Variants in KIAA1958 observed in about 807,000 individuals in gnomAD.
KIAA1958 encodes the protein KIAA1958, also known as uncharacterized protein KIAA1958.
Under a neutral mutation model 47.2 loss-of-function variants are expected in KIAA1958, and 14 were observed. That is an observed-to-expected ratio of 0.30 (90% CI 0.20 to 0.46). KIAA1958 has a LOEUF of 0.46. Among genes scored for constraint, KIAA1958 ranks in the 20% least tolerant of loss-of-function variants. The pLI is 1.00. For synonymous variants in KIAA1958, 354 were observed against 353.3 expected, an observed-to-expected ratio of 1.00 and a Z score of -0.02; for missense variants, 803 against 909.2, an observed-to-expected ratio of 0.88 and a Z score of 1.50.
At chr9:112,548,409 A>G (rs1363189839) in intron 1 of KIAA1958, among the ~76,000 whole-genome samples, 2 of 152,066 alleles carry the variant, frequency 1.3e-5, no homozygotes, top group Non-Finnish European at 2.9e-5. Flanking sequence ...GCCTCCCTAA[A>G]ATGTATGAAA....
intron 2 of KIAA1958, among the ~76,000 whole-genome samples, chr9:112,638,213 A>T (rs1034630383): frequency 6.6e-6 from 1 of 152,140 alleles, no homozygotes; most frequent in African/African-American, 2.4e-5. Context: ...TGAAAAAGAA[A>T]AATAAAGAAG....
intron 1 of KIAA1958, among the ~76,000 whole-genome samples, chr9:112,570,322 C>CAGA (rs1406067648): frequency 6.6e-6 from 1 of 152,128 alleles, no homozygotes; most frequent in African/African-American, 2.4e-5. Flanking sequence ...CGTGAAGGGG[C>CAGA]AGAAGTCTTA....
chr9:112,651,592 C>T (rs59724906), intron 3 of KIAA1958, among the ~76,000 whole-genome samples: 3,818 of 151,962 alleles, frequency 0.025, 136 homozygotes, highest in South Asian at 0.15. Flanking sequence ...GACAGGGTTT[C>T]GCCATGTTGG....
Position 112,659,552 on chromosome 9 carries a change from G to T in KIAA1958, c.1634G>T (p.Gly545Val). ...GACGAGGAGGAGATGTGGCAGGCAG[G>T]GTGTCTGGGGGATGACAGCCCTATC... ...LSDEEEMWQA[G>V]CLGDDSPITL... The change falls in exon 4 of 4, where the codon GGG (glycine) becomes GTG (valine). Residue 545 changes from glycine to valine, a missense_variant. By Grantham distance (109) the Gly-to-Val change is moderately radical. This residue lies in a region of KIAA1958 where 761 missense variants were observed against 829.3 expected (regional missense o/e 0.92). Coordinates refer to ENST00000337530, the MANE Select transcript of KIAA1958 (RefSeq NM_133465.4). 1.2e-6 allele frequency: 2 copies of T among 1,612,862 alleles called. No homozygotes were observed. Among genetic ancestry groups the T allele is most frequent in the South Asian group, 1.1e-5 (1 of 90,890 alleles).
intron 1 of KIAA1958, among the ~76,000 whole-genome samples, chr9:112,552,589 A>G (rs1477979407): frequency 6.6e-6 from 1 of 152,222 alleles, no homozygotes; most frequent in Non-Finnish European, 1.5e-5. Context: ...GTGATGCTTA[A>G]TGTTCAAATA....
intron 1 of KIAA1958, among the ~76,000 whole-genome samples, chr9:112,495,777 T>C (rs1168476444): frequency 6.6e-6 from 1 of 152,252 alleles, no homozygotes; most frequent in Non-Finnish European, 1.5e-5. Flanking sequence ...CAGTCATTGT[T>C]GTTCCCTTCC....
intron 2 of KIAA1958, among the ~76,000 whole-genome samples, chr9:112,591,317 C>T (rs1165913978): frequency 6.6e-6 from 1 of 152,072 alleles, no homozygotes; most frequent in Non-Finnish European, 1.5e-5. Flanking sequence ...ATCTCCTGAC[C>T]TCATGATCCG....
chr9:112,650,745 T>A (rs1837043388), intron 3 of KIAA1958, among the ~76,000 whole-genome samples: 1 of 152,154 alleles, frequency 6.6e-6, no homozygotes, highest in Non-Finnish European at 1.5e-5. Context: ...AGAGATACTG[T>A]CGGACTGGAT....
chr9:112,496,451 GGCT>G (rs1834053155), intron 1 of KIAA1958, among the ~76,000 whole-genome samples: 1 of 152,144 alleles, frequency 6.6e-6, no homozygotes, highest in Admixed American at 6.5e-5. Flanking sequence ...GAGGCTTCTG[GGCT>G]GCTGGAAAGT....
At position 112,659,726 on chromosome 9, in the gene KIAA1958, G is replaced by A. The variant is rs150967403; in HGVS notation, c.1808G>A (p.Arg603Gln). 104 of 1,614,046 alleles carry A rather than the reference G, an allele frequency of 6.4e-5. No individual in the cohort carries two copies. Among genetic ancestry groups the A allele is most frequent in the African/African-American group, 1.7e-4 (13 of 74,918 alleles). Residue 603 changes from arginine to glutamine, a missense_variant, in exon 4 of 4, where the codon CGG becomes CAG. Arg to Gln is a conservative substitution (Grantham distance 43, BLOSUM62 1). Transcript: ENST00000337530. ...PYFARTDSVK[R>Q]ESRSGSTRVC... ...TTTGCCCGGACGGACAGCGTCAAGCGGGAGAGTCGGAGCGGCTCCACCAGA... is the reference window on the plus strand; with the variant it reads ...TTTGCCCGGACGGACAGCGTCAAGCAGGAGAGTCGGAGCGGCTCCACCAGA...
intron 1 of KIAA1958, among the ~76,000 whole-genome samples, chr9:112,560,062 C>T (rs1275302747): frequency 6.6e-6 from 1 of 151,464 alleles, no homozygotes; most frequent in African/African-American, 2.4e-5. Context: ...TTTTAGGTAG[C>T]TGCACTGATT....
Position 112,575,201 on chromosome 9 carries a change from C to A in KIAA1958, c.1121C>A (p.Pro374His), listed in dbSNP as rs1317120998. The A allele has an allele frequency of 7.6e-6, 12 of 1,582,320 alleles. No individual in the cohort carries two copies. The highest frequency in any genetic ancestry group is 1.0e-5 in the Non-Finnish European group (12 of 1,171,390). Reference protein sequence around the residue: ...EPEVSSSQQQPPVAPAITTEA... With the variant: ...EPEVSSSQQQHPVAPAITTEA... ...GAAGTGAGCTCCAGTCAGCAGCAGC[C>A]CCCAGTCGCTCCAGCCATAACCACT... is the stretch of plus-strand genomic sequence containing the variant. The change falls in exon 2 of 4, where the codon CCC (proline) becomes CAC (histidine). Residue 374 changes from proline (P) to histidine (H), a missense_variant. By Grantham distance (77) the Pro-to-His change is moderately conservative. This residue lies in a region of KIAA1958 where 761 missense variants were observed against 829.3 expected (regional missense o/e 0.92). Coordinates refer to ENST00000337530, the MANE Select transcript of KIAA1958 (RefSeq NM_133465.4).
At chr9:112,558,119 G>A (rs1835273831) in intron 1 of KIAA1958, among the ~76,000 whole-genome samples, 1 of 152,092 alleles carries the variant, frequency 6.6e-6, no homozygotes, top group South Asian at 2.1e-4. Context: ...CAGCTACTCA[G>A]GAGGCTGAGG....
At chr9:112,568,434 C>T (rs1285163190) in intron 1 of KIAA1958, among the ~76,000 whole-genome samples, 1 of 152,182 alleles carries the variant, frequency 6.6e-6, no homozygotes, top group South Asian at 2.1e-4. Flanking sequence ...ACAGACAGTG[C>T]TTACACACAG....
chr9:112,649,324 ATT>A (rs34306715), intron 3 of KIAA1958, among the ~76,000 whole-genome samples: 156 of 143,592 alleles, frequency 1.1e-3, no homozygotes, highest in Middle Eastern at 7.0e-3. Context: ...CACCTGGCTA[ATT>A]TTTTTTTTTT....
chr9:112,525,130 A>G (rs892160403), intron 1 of KIAA1958, among the ~76,000 whole-genome samples: 6 of 152,258 alleles, frequency 3.9e-5, no homozygotes, highest in Middle Eastern at 3.4e-3. Flanking sequence ...CATGTGTTTC[A>G]TTTCCCCAGA....
chr9:112,568,147 ACACT>A (rs1356099909), intron 1 of KIAA1958, among the ~76,000 whole-genome samples: 1 of 152,156 alleles, frequency 6.6e-6, no homozygotes, highest in Non-Finnish European at 1.5e-5. Context: ...GCAAACGGAA[ACACT>A]CAGGTATACT....
In KIAA1958 at chr9:112,575,067, G is replaced by T. The variant is rs1384822153; in HGVS notation, c.987G>T (p.Gln329His). 1 of 1,613,522 alleles carries T rather than the reference G, an allele frequency of 6.2e-7. No homozygotes were observed. The highest frequency in any genetic ancestry group is 1.3e-5 in the African/African-American group (1 of 75,026). The change falls in exon 2 of 4, where the codon CAG becomes CAT. Residue 329 changes from glutamine to histidine, a missense_variant. Gln to His is a conservative substitution (Grantham distance 24). Around this residue, in one of 2 missense-constraint regions of KIAA1958, gnomAD observed 761 missense variants for 829.3 expected, o/e 0.92. Transcript: ENST00000337530. Reference sequence around the variant, plus strand: ...TCAGTATCCCCTTGTCTGCCCTGCAGCTGCCTGGACAGGATGAGCAAGTTG... The same window carrying T: ...TCAGTATCCCCTTGTCTGCCCTGCATCTGCCTGGACAGGATGAGCAAGTTG... ...KQISIPLSAL[Q>H]LPGQDEQVAS... is the part of the protein sequence containing the mutation.
Position 112,487,086 on chromosome 9 carries a change from C to G in KIAA1958, c.-57C>G. On this transcript the variant is annotated 5_prime_UTR_variant, in exon 1 of 4. Coordinates refer to ENST00000337530, the MANE Select transcript of KIAA1958 (RefSeq NM_133465.4). ...CTCGCAGGCCCCCCCGCGCCGACCG[C>G]GTTCCTATGGACAGACGCACAGACA... 4.4e-6 allele frequency: 1 copy of G among 226,604 alleles called. No individual in the cohort carries two copies. The highest frequency in any genetic ancestry group is 9.0e-6 in the Non-Finnish European group (1 of 111,048). 14.0% of individuals were successfully genotyped at this position (226,604 alleles called of 1,614,324 possible). A position where few individuals can be genotyped will look rare whatever the true frequency, so the allele number is the denominator to read the frequency against.
Sources: allele counts gnomAD v4.1 joint callset (sites outside exome capture counted in the v4.1 genomes callset), GRCh38; gene constraint gnomAD v4.1.1; regional missense constraint gnomAD v4.1.1; transcripts MANE v1.5; gene names NCBI Gene and HGNC (gene_info 2026-07-23, HGNC 2026-07-21).